The following ADGRV1 variants were observed in gnomAD, a reference collection of about 807,000 sequenced individuals.
The protein encoded by ADGRV1 is adhesion G protein-coupled receptor V1, also known as G-protein coupled receptor 98.
In ADGRV1, 359 loss-of-function variants were observed where a neutral mutation model predicts 596.2. That is an observed-to-expected ratio of 0.60 (90% CI 0.55 to 0.66). ADGRV1 has a LOEUF of 0.66. Among genes scored for constraint, ADGRV1 ranks in the 30% least tolerant of loss-of-function variants. The pLI, the probability that ADGRV1 is intolerant of heterozygous loss-of-function variation, is 0.00. For missense variants in ADGRV1, 7,274 were observed against 7,575.6 expected, an observed-to-expected ratio of 0.96 and a Z score of 1.48; for synonymous variants, 2,681 against 2,679.2, an observed-to-expected ratio of 1.00 and a Z score of -0.02.
chr5:91,097,208 G>A (rs1790951035), intron 86 of ADGRV1, among the ~76,000 whole-genome samples: 1 of 152,128 alleles, frequency 6.6e-6, no homozygotes, highest in Non-Finnish European at 1.5e-5. Flanking sequence ...CCAGATTTCT[G>A]GTCCATAGAT....
intron 48 of ADGRV1, among the ~76,000 whole-genome samples, chr5:90,727,160 TC>T (rs1751904429): frequency 6.6e-6 from 1 of 152,048 alleles, no homozygotes; most frequent in South Asian, 2.1e-4. Flanking sequence ...TGATCACAGG[TC>T]ACTATAGCCT....
intron 19 of ADGRV1, among the ~76,000 whole-genome samples, chr5:90,652,937 C>T (rs1768857546): frequency 6.6e-6 from 1 of 152,160 alleles, no homozygotes; most frequent in African/African-American, 2.4e-5. Context: ...TTTCGCATCA[C>T]TTTTGGTTTT....
chr5:91,009,562 T>C (rs1782559225), intron 85 of ADGRV1, among the ~76,000 whole-genome samples: 2 of 152,162 alleles, frequency 1.3e-5, no homozygotes, highest in South Asian at 4.1e-4. Flanking sequence ...TATCATATAG[T>C]AAATATCTGT....
At chr5:90,644,188 G>A (rs17620522) in intron 14 of ADGRV1, among the ~76,000 whole-genome samples, 7 of 152,224 alleles carry the variant, frequency 4.6e-5, no homozygotes, top group Non-Finnish European at 8.8e-5. Flanking sequence ...GATGACTTCA[G>A]TTATATTTTG....
chr5:90,795,071 G>A (rs937018974), intron 70 of ADGRV1, among the ~76,000 whole-genome samples: 1 of 149,774 alleles, frequency 6.7e-6, no homozygotes, highest in Non-Finnish European at 1.5e-5. Context: ...GGCAGACACC[G>A]ATCTAGCTGC....
At chr5:90,817,772 T>G (rs1763047571) in intron 75 of ADGRV1, among the ~76,000 whole-genome samples, 2 of 152,250 alleles carry the variant, frequency 1.3e-5, no homozygotes, top group East Asian at 1.9e-4. Flanking sequence ...CATTAATCTA[T>G]ATCTCTGTTT....
At position 90,684,210 on chromosome 5, in the gene ADGRV1, G is replaced by T; in HGVS notation, c.6274+15G>T. The T allele has an allele frequency of 6.3e-7, 1 of 1,575,388 alleles. No individual in the cohort carries two copies. On this transcript the variant is annotated intron_variant, in intron 28 of 89. Transcript: ENST00000405460. ...GAGTCGTTCAAGTAAGTATCCCTTA[G>T]TGTGTTATTATTATTATTAGCTCTC...
In ADGRV1 at chr5:91,116,145, T is replaced by C. The variant is rs77027394; in HGVS notation, c.18432+13805T>C. ...TATAAACTGAACTTTCTTCTTAAAC[T>C]CTTTAGATAGATAGGTCTGGGAAGT... On this transcript the variant is annotated intron_variant, in intron 87 of 89. Coordinates refer to ENST00000405460, the MANE Select transcript of ADGRV1 (RefSeq NM_032119.4). Among the ~76,000 whole-genome samples the C allele has an allele frequency of 6.9e-3, 1,054 of 152,292 alleles. 12 individuals carry two copies. Among genetic ancestry groups the C allele is most frequent in the African/African-American group, 0.024 (1,011 of 41,554 alleles).
chr5:90,808,120 A>G (rs1199723201), intron 73 of ADGRV1, among the ~76,000 whole-genome samples: 1 of 152,234 alleles, frequency 6.6e-6, no homozygotes, highest in African/African-American at 2.4e-5. Context: ...TAGGGTGATA[A>G]TATTACTTAT....
chr5:90,904,657 A>AT (rs1186794363), intron 83 of ADGRV1, among the ~76,000 whole-genome samples: 9 of 151,736 alleles, frequency 5.9e-5, no homozygotes, highest in African/African-American at 2.2e-4. Context: ...CCCTTGTCAG[A>AT]TGGGCAATTT....
Position 90,745,781 on chromosome 5 carries a change from G to T in ADGRV1, c.10960G>T (p.Val3654Phe). 1 of 1,600,360 alleles carries T rather than the reference G, an allele frequency of 6.2e-7. No individual in the cohort carries two copies. Among genetic ancestry groups the T allele is most frequent in the Non-Finnish European group, 8.6e-7 (1 of 1,168,938 alleles). Residue 3654 changes from valine (V) to phenylalanine (F), a missense_variant, in exon 52 of 90, where the codon GTT (valine) becomes TTT (phenylalanine). By Grantham distance (50) the Val-to-Phe change is conservative (BLOSUM62 -1). Around this residue, in one of 5 missense-constraint regions of ADGRV1, gnomAD observed 3,643 missense variants for 3,809.2 expected, o/e 0.96. Transcript: ENST00000405460. Reference protein sequence around the residue: ...ILSNDDAYGIVAFAQNSLYKQ... With the variant: ...ILSNDDAYGIFAFAQNSLYKQ... ...GTCTAATGATGATGCCTATGGAATT[G>T]TTGCATTTGCTCAGGTAATGATACT...
chr5:90,920,765 G>A (rs1022257428), intron 83 of ADGRV1, among the ~76,000 whole-genome samples: 3 of 152,158 alleles, frequency 2.0e-5, no homozygotes, highest in Non-Finnish European at 4.4e-5. Flanking sequence ...GAATGTAAAT[G>A]TGGAATTTTA....
intron 82 of ADGRV1, among the ~76,000 whole-genome samples, chr5:90,857,194 A>G (rs967750713): frequency 2.6e-5 from 4 of 152,320 alleles, no homozygotes; most frequent in African/African-American, 9.6e-5. Flanking sequence ...TTCCAAAATC[A>G]GATGGAGACA....
At chr5:90,630,641 A>G (rs1765382177) in intron 9 of ADGRV1, 1 of 152,246 alleles carries the variant, frequency 6.6e-6, no homozygotes, top group Admixed American at 6.5e-5. Context: ...TTATGTTGCC[A>G]TACATTGTGC....
At chr5:91,080,905 C>G (rs1201781624) in intron 86 of ADGRV1, among the ~76,000 whole-genome samples, 1 of 152,088 alleles carries the variant, frequency 6.6e-6, no homozygotes, top group African/African-American at 2.4e-5. Flanking sequence ...AGAATGCAGT[C>G]AGATATGTAA....
At chr5:91,012,321 T>TAA (rs1191839531) in intron 85 of ADGRV1, among the ~76,000 whole-genome samples, 1 of 151,996 alleles carries the variant, frequency 6.6e-6, no homozygotes, top group Non-Finnish European at 1.5e-5. Context: ...TTGAACAACT[T>TAA]ACGCTTTCCT....
intron 83 of ADGRV1, among the ~76,000 whole-genome samples, chr5:90,908,542 G>T (rs556919305): frequency 1.2e-3 from 186 of 152,244 alleles, no homozygotes; most frequent in African/African-American, 3.9e-3. Context: ...TTTCACATAT[G>T]TGAAGAAATC....
intron 85 of ADGRV1, among the ~76,000 whole-genome samples, chr5:91,014,009 T>C (rs1782945973): frequency 6.6e-6 from 1 of 151,916 alleles, no homozygotes; most frequent in South Asian, 2.1e-4. Context: ...AAAGATCAGA[T>C]GATCCTAGGT....
intron 5 of ADGRV1, 128 bp from the exon 6 acceptor site, chr5:90,625,002 A>G: frequency 3.2e-6 from 2 of 622,448 alleles, no homozygotes; most frequent in Non-Finnish European, 2.9e-6. Flanking sequence ...AGAATGATGT[A>G]TGGGTTAGTG....
Sources: gnomAD v4.1 joint callset for allele counts (sites outside exome capture counted in the v4.1 genomes callset) on GRCh38, gnomAD v4.1.1 for gene constraint, gnomAD v4.1.1 regional missense constraint, MANE v1.5 for transcripts, NCBI Gene and HGNC (gene_info 2026-07-23, HGNC 2026-07-21) for gene names.